The following DORIP1 variants were observed in gnomAD, a reference collection of about 807,000 sequenced individuals.
DORIP1 encodes the protein dopamine receptor-interacting protein 1.
chr14:44,901,009 G>A, the DORIP1 span: 1 of 1,517,922 alleles, frequency 6.6e-7, no homozygotes, highest in Non-Finnish European at 8.8e-7. Flanking sequence ...TTTAATGAAT[G>A]TTGCTTTAGA....
the DORIP1 span, chr14:44,899,027 T>C: frequency 6.6e-6 from 1 of 152,172 alleles, no homozygotes; most frequent in African/African-American, 2.4e-5. Context: ...CTGTTTCCAC[T>C]CCTCAGATGC....
At chr14:44,902,086 T>G in the DORIP1 span, among the ~76,000 whole-genome samples, 1 of 152,188 alleles carries the variant, frequency 6.6e-6, no homozygotes, top group Non-Finnish European at 1.5e-5. Flanking sequence ...ATACCCTAAT[T>G]TGTTAAACTT....
At chr14:44,906,800 G>C in the DORIP1 span, 1 of 152,530 alleles carries the variant, frequency 6.6e-6, no homozygotes, top group Non-Finnish European at 1.5e-5. Context: ...TAAAGTGCTT[G>C]GTGCCATGTT....
chr14:44,898,059 A>G, the DORIP1 span, among the ~76,000 whole-genome samples: 1 of 152,212 alleles, frequency 6.6e-6, no homozygotes, highest in African/African-American at 2.4e-5. Context: ...TCAAAGAAAT[A>G]GAGGTCAGGA....
the DORIP1 span, chr14:44,904,773 T>A: frequency 2.4e-5 from 8 of 333,676 alleles, no homozygotes; most frequent in Non-Finnish European, 1.1e-5. Flanking sequence ...CCATCTTTTA[T>A]AAGTTAACCT....
At chr14:44,906,208 T>C in the DORIP1 span, 1 of 151,886 alleles carries the variant, frequency 6.6e-6, no homozygotes, top group Non-Finnish European at 1.5e-5. Flanking sequence ...TTTTAAGTGA[T>C]AGCTAAGCTT....
chr14:44,904,494 G>A, the DORIP1 span: 181 of 1,610,966 alleles, frequency 1.1e-4, 2 homozygotes, highest in South Asian at 1.6e-3. Flanking sequence ...AAGATCTGGC[G>A]TATGTACCCT....
the DORIP1 span, chr14:44,905,997 A>G: frequency 6.7e-6 from 1 of 149,364 alleles, no homozygotes; most frequent in Admixed American, 6.8e-5. Context: ...CTACCTCACT[A>G]TAATCCAAAG....
the DORIP1 span, chr14:44,900,635 A>G: frequency 3.7e-6 from 6 of 1,608,884 alleles, no homozygotes; most frequent in South Asian, 6.7e-5. Context: ...ATGTTATTAT[A>G]TGTCATTCTT....
chr14:44,902,820 G>C, the DORIP1 span, among the ~76,000 whole-genome samples: 6 of 151,510 alleles, frequency 4.0e-5, no homozygotes, highest in Non-Finnish European at 7.4e-5. Flanking sequence ...TTTTTTTAAC[G>C]GATCAGGTAC....
chr14:44,903,110 G>GTT, the DORIP1 span: 1 of 828,298 alleles, frequency 1.2e-6, no homozygotes. Context: ...GGTATAACTG[G>GTT]TTTTGCTAAT....
the DORIP1 span, chr14:44,900,445 CTG>C: frequency 2.0e-6 from 3 of 1,521,476 alleles, no homozygotes; most frequent in Non-Finnish European, 1.8e-6. Context: ...GATGAAGACA[CTG>C]TTTGAAGAGA....
chr14:44,901,772 G>T, the DORIP1 span, among the ~76,000 whole-genome samples: 2 of 152,220 alleles, frequency 1.3e-5, no homozygotes, highest in African/African-American at 4.8e-5. Context: ...CATCTCACAT[G>T]TGGATGTGGA....
the DORIP1 span, chr14:44,906,070 C>T: frequency 6.7e-6 from 1 of 149,312 alleles, no homozygotes; most frequent in Non-Finnish European, 1.5e-5. Flanking sequence ...TTTATTAGTT[C>T]GATTTGCCTA....
At chr14:44,901,550 T>C in the DORIP1 span, among the ~76,000 whole-genome samples, 2 of 152,216 alleles carry the variant, frequency 1.3e-5, no homozygotes, top group South Asian at 2.1e-4. Flanking sequence ...ATGAAAAATA[T>C]ATTACTCTTA....
At chr14:44,900,264 A>G in the DORIP1 span, 23 of 491,150 alleles carry the variant, frequency 4.7e-5, no homozygotes, top group Non-Finnish European at 7.1e-5. Context: ...TCCAGAGAGC[A>G]TGCATAGTGC....
At chr14:44,898,099 G>A in the DORIP1 span, among the ~76,000 whole-genome samples, 1 of 152,174 alleles carries the variant, frequency 6.6e-6, no homozygotes, top group African/African-American at 2.4e-5. Flanking sequence ...AAATTGGAGG[G>A]CCCGTAGAGC....
At chr14:44,898,367 ATAGTTT>A in the DORIP1 span, among the ~76,000 whole-genome samples, 3 of 152,158 alleles carry the variant, frequency 2.0e-5, no homozygotes, top group African/African-American at 7.2e-5. Context: ...ATATGTCATT[ATAGTTT>A]AATTCTCTTA....
At chr14:44,898,541 C>T in the DORIP1 span, among the ~76,000 whole-genome samples, 1 of 152,164 alleles carries the variant, frequency 6.6e-6, no homozygotes, top group East Asian at 1.9e-4. Flanking sequence ...CTTTAAAATT[C>T]AACGGAAATA....
Sources: gnomAD v4.1 joint callset for allele counts (sites outside exome capture counted in the v4.1 genomes callset) on GRCh38, gnomAD v4.1.1 for gene constraint, MANE v1.5 for transcripts, NCBI Gene and HGNC (gene_info 2026-07-23, HGNC 2026-07-21) for gene names.